The following GNAL variants were observed in gnomAD, a reference collection of about 807,000 sequenced individuals.
GNAL encodes G protein subunit alpha L.
A neutral mutation model predicts 55.1 loss-of-function variants in GNAL; 18 were observed. The ratio of observed to expected loss-of-function variants is 0.33; its 90% CI spans 0.23 to 0.48. The LOEUF (loss-of-function observed/expected upper bound fraction) is 0.48, where lower values mean the gene tolerates loss of function less well. GNAL is among the 20% of genes least tolerant of loss of function. The pLI, the probability that GNAL is intolerant of heterozygous loss-of-function variation, is 0.99. For synonymous variants in GNAL, 253 were observed against 237.0 expected, an observed-to-expected ratio of 1.07 and a Z score of -0.62; for missense variants, 412 against 614.1, an observed-to-expected ratio of 0.67 and a Z score of 3.48.
At chr18:11,814,484 T>C (rs537404314) in intron 4 of GNAL, among the ~76,000 whole-genome samples, 1 of 151,556 alleles carries the variant, frequency 6.6e-6, no homozygotes, top group Non-Finnish European at 1.5e-5. Flanking sequence ...CCAGAGATCA[T>C]TCCATTGCAC....
chr18:11,742,986 G>C (rs1473236424), intron 1 of GNAL, among the ~76,000 whole-genome samples: 1 of 152,250 alleles, frequency 6.6e-6, no homozygotes, highest in Non-Finnish European at 1.5e-5. Flanking sequence ...CCTGTAGGTA[G>C]CAATATCCAT....
At position 11,865,408 on chromosome 18, in the gene GNAL, C is replaced by T. The variant is rs7236209; in HGVS notation, c.851+802C>T. On this transcript the variant is annotated intron_variant, in intron 7 of 11. Transcript: ENST00000334049. ...GTAGCGCTTCTGTTCATCTTGTCCT[C>T]TGAGCCTCAGATGCCACCTGTGCTA... Among the ~76,000 whole-genome samples the T allele has an allele frequency of 8.2e-3, 1,217 of 149,276 alleles. 133 individuals carry two copies. The highest frequency in any genetic ancestry group is 0.029 in the African/African-American group (1,136 of 38,770).
chr18:11,791,792 C>T (rs956061890), intron 4 of GNAL, among the ~76,000 whole-genome samples: 2 of 152,160 alleles, frequency 1.3e-5, no homozygotes, highest in South Asian at 4.1e-4. Context: ...CAAAGGACTT[C>T]GGACTCAAGT....
intron 1 of GNAL, among the ~76,000 whole-genome samples, chr18:11,727,290 C>T (rs1465802137): frequency 6.6e-6 from 1 of 152,222 alleles, no homozygotes; most frequent in East Asian, 1.9e-4. Context: ...CCTGGGAGTC[C>T]CCACACTTTC....
At chr18:11,758,665 T>C (rs2033140857) in intron 4 of GNAL, among the ~76,000 whole-genome samples, 1 of 152,154 alleles carries the variant, frequency 6.6e-6, no homozygotes, top group Non-Finnish European at 1.5e-5. Context: ...AAATAATGAA[T>C]TGACAGTTGC....
chr18:11,725,981 G>A (rs1341107016), intron 1 of GNAL, among the ~76,000 whole-genome samples: 8 of 152,160 alleles, frequency 5.3e-5, no homozygotes, highest in South Asian at 2.1e-4. Context: ...GCCTGTGACC[G>A]TTCGGTCCCA....
At chr18:11,744,937 C>T (rs1021326837) in intron 1 of GNAL, among the ~76,000 whole-genome samples, 14 of 152,164 alleles carry the variant, frequency 9.2e-5, no homozygotes, top group Admixed American at 5.2e-4. Flanking sequence ...TTTCAAACTC[C>T]GGAGCTCAGG....
At chr18:11,860,414 G>T (rs539527537) in intron 5 of GNAL, among the ~76,000 whole-genome samples, 120 of 152,306 alleles carry the variant, frequency 7.9e-4, no homozygotes, top group Non-Finnish European at 1.4e-3. Context: ...TGGCCAAGTG[G>T]TTCCTAAAAT....
At chr18:11,780,075 C>T (rs2033887724) in intron 4 of GNAL, among the ~76,000 whole-genome samples, 1 of 152,192 alleles carries the variant, frequency 6.6e-6, no homozygotes, top group Non-Finnish European at 1.5e-5. Context: ...GCTTTATATT[C>T]TTACTGTGTC....
intron 9 of GNAL, among the ~76,000 whole-genome samples, chr18:11,870,054 T>G (rs982684400): frequency 6.6e-6 from 1 of 152,230 alleles, no homozygotes. Flanking sequence ...GATTTAAGCA[T>G]ACGGGAGGAT....
At chr18:11,876,440 G>A (rs1302730396) in intron 10 of GNAL, among the ~76,000 whole-genome samples, 181 bp from the exon 11 acceptor site, 4 of 152,138 alleles carry the variant, frequency 2.6e-5, no homozygotes, top group African/African-American at 7.2e-5. Context: ...TCCAGCCTGG[G>A]CAAGAGAGTG....
chr18:11,783,559 C>T (rs2033979002), intron 4 of GNAL, among the ~76,000 whole-genome samples: 1 of 152,228 alleles, frequency 6.6e-6, no homozygotes, highest in Non-Finnish European at 1.5e-5. Flanking sequence ...AATACATCCT[C>T]ACTCCAGCAC....
chr18:11,852,886 G>C (rs2035914024), intron 5 of GNAL: 2 of 166,954 alleles, frequency 1.2e-5, no homozygotes, highest in Admixed American at 1.3e-4. Flanking sequence ...AAAAGACTTA[G>C]TGTGACATTT....
In GNAL at chr18:11,803,637, CGG is replaced by C. The variant is rs1315681173; in HGVS notation, c.625-21280_625-21279del. 2.6e-3 allele frequency among the ~76,000 whole-genome samples: 397 copies of C among 150,498 alleles called. 25 individuals carry two copies. The highest frequency in any genetic ancestry group is 8.4e-3 in the African/African-American group (342 of 40,804). ...GTGCAGGTGCAGTTTGGATGGAACA[CGG>C]AGATACTGTGTAGTGGTGAAGTACA... On this transcript the variant is annotated intron_variant, in intron 4 of 11. Coordinates refer to ENST00000334049, the MANE Select transcript of GNAL (RefSeq NM_182978.4).
intron 1 of GNAL, among the ~76,000 whole-genome samples, chr18:11,719,871 A>G (rs571782535): frequency 5.3e-5 from 8 of 152,360 alleles, no homozygotes; most frequent in African/African-American, 9.6e-5. Flanking sequence ...ACATCAAGAC[A>G]TTTATAGCAG....
intron 4 of GNAL, among the ~76,000 whole-genome samples, chr18:11,773,363 A>C (rs2033688889): frequency 6.6e-6 from 1 of 152,234 alleles, no homozygotes; most frequent in Non-Finnish European, 1.5e-5. Flanking sequence ...GCAGGAGATA[A>C]ACGGGATGAC....
At chr18:11,701,926 C>T (rs944409092) in intron 1 of GNAL, 5 of 151,202 alleles carry the variant, frequency 3.3e-5, no homozygotes, top group Non-Finnish European at 7.4e-5. Flanking sequence ...GTCTGTAAAT[C>T]GGCATAAAGA....
chr18:11,855,668 C>CT (rs1281260487), intron 5 of GNAL, among the ~76,000 whole-genome samples: 3 of 152,068 alleles, frequency 2.0e-5, no homozygotes, highest in Admixed American at 6.6e-5. Context: ...GCCCTGCTGT[C>CT]TTTGATTTGG....
chr18:11,855,289 T>TC (rs1308815066), intron 5 of GNAL, among the ~76,000 whole-genome samples: 1 of 151,880 alleles, frequency 6.6e-6, no homozygotes, highest in Non-Finnish European at 1.5e-5. Flanking sequence ...AGATTTTTTT[T>TC]CACATTGAAA....
Sources: gnomAD v4.1 joint callset for allele counts (sites outside exome capture counted in the v4.1 genomes callset) on GRCh38, gnomAD v4.1.1 for gene constraint, MANE v1.5 for transcripts, NCBI Gene and HGNC (gene_info 2026-07-23, HGNC 2026-07-21) for gene names.